ZNF462: variants seen among roughly 807,000 people sequenced by gnomAD.
ZNF462 encodes zinc finger protein 462, also known as zinc finger PBX1-interacting protein.
A neutral mutation model predicts 201.9 loss-of-function variants in ZNF462; 10 were observed. The observed-to-expected ratio is 0.05, with a 90% CI of 0.03 to 0.08. The LOEUF is 0.08. ZNF462 is among the 10% of genes least tolerant of loss of function. The probability of loss-of-function intolerance (pLI) is 1.00; values close to 1 mark genes in which losing one functional copy is unlikely to be tolerated. For synonymous variants in ZNF462, 1,227 were observed against 1,193.3 expected (o/e 1.03, Z -0.58); for missense variants, 2,523 against 3,168.3 (o/e 0.80, Z 4.89).
chr9:106,889,995 C>T lies in ZNF462; in HGVS notation c.-31+26640C>T, dbSNP rs541823092. Among the ~76,000 whole-genome samples, 180 of 152,316 alleles carry T rather than the reference C, an allele frequency of 1.2e-3. 1 individual carries two copies. The highest frequency in any genetic ancestry group is 3.5e-3 in the South Asian group (17 of 4,826). On this transcript the variant is annotated intron_variant, in intron 1 of 12. Transcript: ENST00000277225. ...AGCTACAGTGGCATTGATACTTACA[C>T]ATATCCAGGCCAACTAATAGGTGTG...
chr9:106,947,013 T>C (rs1226746760), intron 7 of ZNF462, among the ~76,000 whole-genome samples: 1 of 152,104 alleles, frequency 6.6e-6, no homozygotes, highest in African/African-American at 2.4e-5. Context: ...ATCCCAGTGG[T>C]GGTGATTAAA....
rs1829940600 is a variant in ZNF462 at position 107,011,884 on chromosome 9, A to C, written c.*854A>C. 1 of 152,130 alleles carries C rather than the reference A, an allele frequency of 6.6e-6. No homozygotes were observed. Among genetic ancestry groups the C allele is most frequent in the Non-Finnish European group, 1.5e-5 (1 of 68,030 alleles). 9.4% of individuals were successfully genotyped at this position (152,130 alleles called of 1,614,324 possible). ...CTATAATTTAGAATTTGGTAGATTC[A>C]TGTGAGCTAATTTTAAGGTGATTGT... On this transcript the variant is annotated 3_prime_UTR_variant, in exon 13 of 13. Transcript: ENST00000277225. The surrounding 1 kb of genome is among the most constrained non-coding windows in gnomAD (Gnocchi z 5.6).
chr9:106,925,714 A>C lies in ZNF462; in HGVS notation c.1802A>C (p.Lys601Thr). ...CAAGCCGCACCTCTGCACCCATACA[A>C]ATGCACCATGTGTAATTACTCCACC... is the stretch of plus-strand genomic sequence containing the variant. ...PTQAAPLHPY[K>T]CTMCNYSTTT... Residue 601 changes from lysine (K) to threonine (T), a missense_variant, in exon 3 of 13, where the codon AAA (lysine) becomes ACA (threonine). By Grantham distance (78) the Lys-to-Thr change is moderately conservative. Coordinates refer to ENST00000277225, the MANE Select transcript of ZNF462 (RefSeq NM_021224.6). The surrounding 1 kb of genome is among the most constrained non-coding windows in gnomAD (Gnocchi z 7.9). 6.2e-7 allele frequency: 1 copy of C among 1,614,022 alleles called. No individual in the cohort carries two copies. The highest frequency in any genetic ancestry group is 8.5e-7 in the Non-Finnish European group (1 of 1,179,992).
chr9:107,007,578 C>A (rs1588208590), intron 11 of ZNF462, among the ~76,000 whole-genome samples: 1 of 152,216 alleles, frequency 6.6e-6, no homozygotes, highest in Non-Finnish European at 1.5e-5. Context: ...ACCTTCCCTT[C>A]CCCCTCGCCG....
At chr9:106,889,080 A>G (rs193083575) in intron 1 of ZNF462, among the ~76,000 whole-genome samples, 11 of 152,340 alleles carry the variant, frequency 7.2e-5, no homozygotes, top group Admixed American at 2.0e-4. Flanking sequence ...GTCATAGCAC[A>G]CATCTCCCAG....
chr9:106,982,484 A>AT (rs879525936), intron 9 of ZNF462, among the ~76,000 whole-genome samples: 5 of 151,472 alleles, frequency 3.3e-5, no homozygotes, highest in African/African-American at 7.3e-5. Context: ...ATGCCAAAGC[A>AT]TTTTTTTTTC....
rs1564062898 is a variant in ZNF462 at position 106,864,107 on chromosome 9, T to TCC, written c.-31+753_-31+754insCC. Among the ~76,000 whole-genome samples the TCC allele has an allele frequency of 3.4e-4, 34 of 100,328 alleles. 4 individuals are homozygous for TCC. Among genetic ancestry groups the TCC allele is most frequent in the South Asian group, 2.0e-3 (5 of 2,554 alleles). 65.8% of individuals were successfully genotyped at this position (100,328 alleles called of 152,430 possible). ...CTCTCTCTCTCTCTCTCTCTCTCTC[T>TCC]CTCCCTCTCCCCGAAGTTGGGATGC... On this transcript the variant is annotated intron_variant, in intron 1 of 12. Coordinates refer to ENST00000277225, the MANE Select transcript of ZNF462 (RefSeq NM_021224.6).
chr9:106,923,601 C>T lies in ZNF462; in HGVS notation c.218C>T (p.Ser73Leu). The change falls in exon 2 of 13, where the codon TCA becomes TTA. Residue 73 changes from serine to leucine, a missense_variant and splice_region_variant. Ser to Leu is a moderately radical substitution (Grantham distance 145). This residue lies in a region of ZNF462 where 480 missense variants were observed against 544.4 expected (regional missense o/e 0.88). Transcript: ENST00000277225. This position sits in a 1 kb window ranked among gnomAD's most constrained non-coding sequence, Gnocchi z 5.6. Reference protein sequence around the residue: ...KDEFAIAEDLSGQNATSLGTG... With the variant: ...KDEFAIAEDLLGQNATSLGTG... ...GAATTTGCCATTGCAGAAGATTTAT[C>T]AGGTAAATCTATACTAAACTTGGCA... 6.2e-7 allele frequency: 1 copy of T among 1,614,008 alleles called. No individual in the cohort carries two copies. Among genetic ancestry groups the T allele is most frequent in the South Asian group, 1.1e-5 (1 of 91,066 alleles).
chr9:106,889,942 A>AT (rs1828502904), intron 1 of ZNF462, among the ~76,000 whole-genome samples: 1 of 152,196 alleles, frequency 6.6e-6, no homozygotes, highest in South Asian at 2.1e-4. Flanking sequence ...TACCCAGGTG[A>AT]TTAGAGTGCA....
intron 7 of ZNF462, among the ~76,000 whole-genome samples, chr9:106,961,183 A>G (rs1019033958): frequency 1.3e-5 from 2 of 152,062 alleles, no homozygotes; most frequent in African/African-American, 2.4e-5. Flanking sequence ...GGGTGAAAAA[A>G]ATGAGGGATA....
rs1830492435 is a variant in ZNF462 at position 106,933,185 on chromosome 9, G to C, written c.6116+636G>C. On this transcript the variant is annotated intron_variant, in intron 5 of 12. Coordinates refer to ENST00000277225, the MANE Select transcript of ZNF462 (RefSeq NM_021224.6). This position sits in a 1 kb window ranked among gnomAD's most constrained non-coding sequence, Gnocchi z 4.3. Reference sequence around the variant, plus strand: ...GCCTTTCTCTTTCAGCCGTGTAAAAGAGAGATAAATATTCAATAATGCGTT... The same window carrying C: ...GCCTTTCTCTTTCAGCCGTGTAAAACAGAGATAAATATTCAATAATGCGTT... 1 of 155,602 alleles carries C rather than the reference G, an allele frequency of 6.4e-6. No homozygotes were observed. 9.6% of individuals were successfully genotyped at this position (155,602 alleles called of 1,614,324 possible). A position where few individuals can be genotyped will look rare whatever the true frequency, so the allele number is the denominator to read the frequency against.
intron 10 of ZNF462, among the ~76,000 whole-genome samples, chr9:106,991,257 A>G (rs1828250607): frequency 6.6e-6 from 1 of 152,026 alleles, no homozygotes; most frequent in Admixed American, 6.6e-5. Flanking sequence ...GTTTCTGTAT[A>G]CTAGTAATGG....
At chr9:106,896,713 G>T (rs922010328) in intron 1 of ZNF462, among the ~76,000 whole-genome samples, 2 of 152,170 alleles carry the variant, frequency 1.3e-5, no homozygotes, top group African/African-American at 2.4e-5. Context: ...GAAATATTTT[G>T]TTCAAATATG....
chr9:106,898,138 T>C (rs1474445324), intron 1 of ZNF462, among the ~76,000 whole-genome samples: 4 of 152,226 alleles, frequency 2.6e-5, no homozygotes, highest in African/African-American at 7.2e-5. Context: ...CTAAGTCTTA[T>C]AATAACATTT....
At position 106,907,928 on chromosome 9, in the gene ZNF462, A is replaced by G. The variant is rs972313315; in HGVS notation, c.-30-15426A>G. Among the ~76,000 whole-genome samples the G allele has an allele frequency of 3.3e-5, 5 of 152,014 alleles. No individual in the cohort carries two copies. In the East Asian group the frequency reaches 9.6e-4, roughly 29 times the overall value. On this transcript the variant is annotated intron_variant, in intron 1 of 12. Transcript: ENST00000277225. The stretch of plus-strand genomic sequence containing the variant: ...CATAGCATTTTAAAAGTCATACTCT[A>G]CTGGTGAGTTTTTATTTCTGGTTAC...
At chr9:106,900,110 G>GTGATTATCTA (rs1828993624) in intron 1 of ZNF462, among the ~76,000 whole-genome samples, 1 of 151,648 alleles carries the variant, frequency 6.6e-6, no homozygotes, top group Non-Finnish European at 1.5e-5. Flanking sequence ...TTCCATTCCT[G>GTGATTATCTA]AGTTAATCAC....
At chr9:106,862,721 G>T (rs545409693), upstream of ZNF462, among the ~76,000 whole-genome samples, 4 of 152,094 alleles carry the variant, frequency 2.6e-5, no homozygotes, top group African/African-American at 4.8e-5. This position sits in a 1 kb window ranked among gnomAD's most constrained non-coding sequence, Gnocchi z 4.2. Context: ...GGTTCAGCAG[G>T]GGGGAGGGGG....
chr9:107,001,112 A>G (rs965045170), intron 10 of ZNF462, among the ~76,000 whole-genome samples: 3 of 152,170 alleles, frequency 2.0e-5, no homozygotes, highest in African/African-American at 7.2e-5. Context: ...TGAGAAGTGC[A>G]GGAGAAAGTG....
intron 7 of ZNF462, among the ~76,000 whole-genome samples, chr9:106,945,735 A>G (rs1831076333): frequency 6.6e-6 from 1 of 152,200 alleles, no homozygotes; most frequent in Non-Finnish European, 1.5e-5. Flanking sequence ...GTTCATTTTA[A>G]CACTTACTAT....
Sources: allele counts gnomAD v4.1 joint callset (sites outside exome capture counted in the v4.1 genomes callset), GRCh38; gene constraint gnomAD v4.1.1; regional missense constraint gnomAD v4.1.1; non-coding constraint Gnocchi (gnomAD v3.1); transcripts MANE v1.5; gene names NCBI Gene and HGNC (gene_info 2026-07-23, HGNC 2026-07-21).